GRIK1: variants seen among roughly 807,000 people sequenced by gnomAD.
GRIK1 encodes the protein glutamate ionotropic receptor kainate type subunit 1, also known as glutamate receptor ionotropic, kainate 1.
Under a neutral mutation model 105.7 loss-of-function variants are expected in GRIK1, and 69 were observed. The observed-to-expected ratio is 0.65, with a 90% CI of 0.54 to 0.80. The LOEUF (loss-of-function observed/expected upper bound fraction) is 0.80, where lower values mean the gene tolerates loss of function less well. GRIK1 is among the 30% of genes least tolerant of loss of function. The probability of loss-of-function intolerance (pLI) is 0.00; values close to 1 mark genes in which losing one functional copy is unlikely to be tolerated. For synonymous variants in GRIK1, 438 were observed against 431.3 expected (o/e 1.02, Z -0.19); for missense variants, 1,109 against 1,167.3 (o/e 0.95, Z 0.73).
intron 12 of GRIK1, among the ~76,000 whole-genome samples, chr21:29,584,460 A>G (rs1441450821): frequency 5.3e-5 from 8 of 152,242 alleles, no homozygotes; most frequent in African/African-American, 1.9e-4. Flanking sequence ...ATTTTTCAAA[A>G]AGTGGAAACA....
rs578198421 is a variant in GRIK1 at position 29,580,069 on chromosome 21, A to G, written c.1912+1356T>C. 2.0e-3 allele frequency among the ~76,000 whole-genome samples: 283 copies of G among 143,128 alleles called. 1 individual carries two copies. Among genetic ancestry groups the G allele is most frequent in the Middle Eastern group, 7.1e-3 (2 of 280 alleles). 93.9% of individuals were successfully genotyped at this position (143,128 alleles called of 152,430 possible). ...TGTATATATGTATATATATATGTGT[A>G]TATATATGTATATGTGTGTGTATAT... On this transcript the variant is annotated intron_variant, in intron 13 of 17. Coordinates refer to ENST00000327783, the MANE Select transcript of GRIK1 (RefSeq NM_001330994.2).
chr21:29,537,590 G>A (rs2089900878), intron 17 of GRIK1: 1 of 670,244 alleles, frequency 1.5e-6, no homozygotes, highest in Non-Finnish European at 2.7e-6. Flanking sequence ...AGTTAGCTGG[G>A]CAAACTTTGG....
chr21:29,924,712 C>A (rs551442116), intron 1 of GRIK1, among the ~76,000 whole-genome samples: 38 of 152,170 alleles, frequency 2.5e-4, no homozygotes, highest in Non-Finnish European at 4.3e-4. Flanking sequence ...AAACTATTTG[C>A]AAGAATTTTC....
At chr21:29,841,694 T>C (rs1601828104) in intron 1 of GRIK1, among the ~76,000 whole-genome samples, 1 of 152,194 alleles carries the variant, frequency 6.6e-6, no homozygotes, top group African/African-American at 2.4e-5. Flanking sequence ...CACTGTCTAT[T>C]GGAGAATCAT....
At chr21:29,831,638 T>G (rs890330289) in intron 1 of GRIK1, among the ~76,000 whole-genome samples, 1 of 152,034 alleles carries the variant, frequency 6.6e-6, no homozygotes, top group Non-Finnish European at 1.5e-5. Flanking sequence ...TCATGAGAAC[T>G]TACTATGATA....
intron 1 of GRIK1, among the ~76,000 whole-genome samples, chr21:29,743,844 A>G (rs1018087696): frequency 3.9e-5 from 6 of 152,232 alleles, no homozygotes; most frequent in Non-Finnish European, 2.9e-5. Flanking sequence ...TCAGGCTAAT[A>G]TCAAATTTGG....
intron 7 of GRIK1, among the ~76,000 whole-genome samples, chr21:29,619,828 C>T (rs1206821015): frequency 1.3e-5 from 2 of 152,200 alleles, no homozygotes; most frequent in Non-Finnish European, 2.9e-5. Flanking sequence ...AGATTCAAAT[C>T]TACCTGCACC....
At chr21:29,599,804 C>A (rs1323709104) in intron 7 of GRIK1, among the ~76,000 whole-genome samples, 1 of 152,102 alleles carries the variant, frequency 6.6e-6, no homozygotes, top group Non-Finnish European at 1.5e-5. Flanking sequence ...AACAAACAAA[C>A]AAACAAACAA....
chr21:29,794,112 T>TA (rs1477187010), intron 1 of GRIK1, among the ~76,000 whole-genome samples: 1 of 152,244 alleles, frequency 6.6e-6, no homozygotes, highest in Non-Finnish European at 1.5e-5. Flanking sequence ...TGACCCCGAT[T>TA]AGTCATTTAA....
At chr21:29,882,298 C>CTTT (rs767242617) in intron 1 of GRIK1, among the ~76,000 whole-genome samples, 104 of 151,868 alleles carry the variant, frequency 6.8e-4, no homozygotes, top group Middle Eastern at 3.2e-3. Flanking sequence ...CCTTTTTTGA[C>CTTT]TTTTAAAAGA....
At chr21:29,629,780 C>T (rs190275356) in intron 7 of GRIK1, among the ~76,000 whole-genome samples, 6 of 152,242 alleles carry the variant, frequency 3.9e-5, no homozygotes, top group Admixed American at 2.6e-4. Context: ...TGAGCCACCG[C>T]GCCTGGCCAA....
chr21:29,729,138 T>G (rs1330912381), intron 1 of GRIK1, among the ~76,000 whole-genome samples: 1 of 152,184 alleles, frequency 6.6e-6, no homozygotes, highest in Non-Finnish European at 1.5e-5. Flanking sequence ...TGACTCATAA[T>G]GTGTTGGAAA....
chr21:29,854,167 A>G, intron 1 of GRIK1, among the ~76,000 whole-genome samples: 1 of 152,138 alleles, frequency 6.6e-6, no homozygotes, highest in Admixed American at 6.5e-5. Context: ...TAGAAGGGGA[A>G]GGGGAGCTGC....
chr21:29,906,917 T>A (rs549625006), intron 1 of GRIK1, among the ~76,000 whole-genome samples: 1 of 152,194 alleles, frequency 6.6e-6, no homozygotes, highest in South Asian at 2.1e-4. Context: ...ATGGTGCTTA[T>A]TGCATTTAAA....
intron 1 of GRIK1, among the ~76,000 whole-genome samples, chr21:29,898,085 A>G (rs1235158539): frequency 6.6e-6 from 1 of 152,224 alleles, no homozygotes; most frequent in Non-Finnish European, 1.5e-5. Context: ...TCTACCACTC[A>G]TACATGTTCT....
intron 15 of GRIK1, among the ~76,000 whole-genome samples, chr21:29,557,509 C>G (rs2090286858): frequency 1.3e-5 from 2 of 152,132 alleles, no homozygotes; most frequent in Non-Finnish European, 2.9e-5. Flanking sequence ...CCTACATAAG[C>G]CTTATGTCCT....
At chr21:29,816,243 G>T (rs148858690) in intron 1 of GRIK1, among the ~76,000 whole-genome samples, 70 of 152,138 alleles carry the variant, frequency 4.6e-4, no homozygotes, top group African/African-American at 1.6e-3. Context: ...AAACCACAAT[G>T]AGATATCATC....
intron 1 of GRIK1, among the ~76,000 whole-genome samples, chr21:29,849,602 C>A (rs1333010074): frequency 1.3e-5 from 2 of 152,146 alleles, no homozygotes; most frequent in Non-Finnish European, 2.9e-5. Context: ...AATAAAAGGC[C>A]GTTTGTTTTT....
chr21:29,683,813 C>G (rs2063427802), intron 3 of GRIK1, among the ~76,000 whole-genome samples: 1 of 152,168 alleles, frequency 6.6e-6, no homozygotes, highest in Non-Finnish European at 1.5e-5. Context: ...TTTACATATG[C>G]AAAGCCTCCA....
Sources: allele counts gnomAD v4.1 joint callset (sites outside exome capture counted in the v4.1 genomes callset), GRCh38; gene constraint gnomAD v4.1.1; transcripts MANE v1.5; gene names NCBI Gene and HGNC (gene_info 2026-07-23, HGNC 2026-07-21).